The following ST6GALNAC5 variants were observed in gnomAD, a reference collection of about 807,000 sequenced individuals.
ST6GALNAC5 encodes ST6 N-acetylgalactosaminide alpha-2,6-sialyltransferase 5.
Under a neutral mutation model 33.6 loss-of-function variants are expected in ST6GALNAC5, and 27 were observed. The ratio of observed to expected loss-of-function variants is 0.80; its 90% CI spans 0.59 to 1.11. ST6GALNAC5 has a LOEUF of 1.11. Ranked by LOEUF, ST6GALNAC5 falls within the 50% of genes least tolerant of loss-of-function variation. The probability of loss-of-function intolerance (pLI) is 0.00; values close to 1 mark genes in which losing one functional copy is unlikely to be tolerated. For synonymous variants in ST6GALNAC5, 194 were observed against 171.2 expected, an observed-to-expected ratio of 1.13 and a Z score of -1.04; for missense variants, 428 against 454.0, an observed-to-expected ratio of 0.94 and a Z score of 0.52.
chr1:77,029,002 G>T lies in ST6GALNAC5; in HGVS notation c.262-15202G>T, dbSNP rs141332497. Reference sequence around the variant, plus strand: ...GGAAAGGCAAGGACAGGTTACATTTGGATACGTGGGTGGTGGTCCAGTGTG... The same window carrying T: ...GGAAAGGCAAGGACAGGTTACATTTTGATACGTGGGTGGTGGTCCAGTGTG... On this transcript the variant is annotated intron_variant, in intron 2 of 4. Transcript: ENST00000477717. Among the ~76,000 whole-genome samples the T allele has an allele frequency of 5.1e-3, 769 of 152,238 alleles. 10 individuals are homozygous for T. The highest frequency in any genetic ancestry group is 0.017 in the African/African-American group (709 of 41,556).
intron 2 of ST6GALNAC5, among the ~76,000 whole-genome samples, chr1:76,895,005 T>TG (rs1205709639): frequency 3.3e-5 from 5 of 151,092 alleles, no homozygotes; most frequent in Non-Finnish European, 7.4e-5. Flanking sequence ...GCGGGCAGAG[T>TG]GGGGGTCACA....
chr1:76,954,062 T>C (rs774230606), intron 2 of ST6GALNAC5, among the ~76,000 whole-genome samples: 11 of 152,098 alleles, frequency 7.2e-5, no homozygotes, highest in East Asian at 1.9e-4. Flanking sequence ...TTAAACTATA[T>C]TGTATGTTAT....
Position 77,044,335 on chromosome 1 carries a change from T to C in ST6GALNAC5, c.393T>C (p.Tyr131=), listed in dbSNP as rs1428468547. Reference sequence around the variant, plus strand: ...TGAATGACGCCCCCACACGCGGCTATGGGCGTGACGTGGGCAATCGCACCA... The same window carrying C: ...TGAATGACGCCCCCACACGCGGCTACGGGCGTGACGTGGGCAATCGCACCA... ...IRMNDAPTRG[Y]GRDVGNRTSL... Residue 131 remains tyrosine (Y), a synonymous_variant, in exon 3 of 5, where the codon TAT becomes TAC. Coordinates refer to ENST00000477717, the MANE Select transcript of ST6GALNAC5 (RefSeq NM_030965.3). 1.2e-6 allele frequency: 2 copies of C among 1,613,856 alleles called. No individual in the cohort carries two copies. Among genetic ancestry groups the C allele is most frequent in the East Asian group, 2.2e-5 (1 of 44,864 alleles).
chr1:77,031,668 A>C (rs1651461107), intron 2 of ST6GALNAC5, among the ~76,000 whole-genome samples: 1 of 152,250 alleles, frequency 6.6e-6, no homozygotes, highest in South Asian at 2.1e-4. Context: ...TCTATACTCA[A>C]GCATGTAAAA....
At chr1:76,937,020 T>C (rs1647214404) in intron 2 of ST6GALNAC5, among the ~76,000 whole-genome samples, 1 of 143,956 alleles carries the variant, frequency 6.9e-6, no homozygotes, top group Non-Finnish European at 1.5e-5. Flanking sequence ...ATAAGAGACA[T>C]ATTTTGGATA....
chr1:76,983,617 A>ACC (rs1649353131), intron 2 of ST6GALNAC5, among the ~76,000 whole-genome samples: 2 of 152,000 alleles, frequency 1.3e-5, no homozygotes, highest in Non-Finnish European at 2.9e-5. Context: ...AGACAAGTTA[A>ACC]CAAGGATATC....
At chr1:76,979,081 A>G (rs1008369840) in intron 2 of ST6GALNAC5, among the ~76,000 whole-genome samples, 16 of 152,170 alleles carry the variant, frequency 1.1e-4, no homozygotes, top group African/African-American at 9.6e-5. Flanking sequence ...AAAGATCCCT[A>G]TAGTAAAAAC....
chr1:76,933,208 T>C (rs1352500624), intron 2 of ST6GALNAC5, among the ~76,000 whole-genome samples: 1 of 152,064 alleles, frequency 6.6e-6, no homozygotes, highest in Non-Finnish European at 1.5e-5. Flanking sequence ...CTAGATGATC[T>C]GTGTATGGGT....
intron 2 of ST6GALNAC5, among the ~76,000 whole-genome samples, chr1:77,004,491 C>T (rs1436001365): frequency 3.5e-5 from 5 of 143,398 alleles, no homozygotes; most frequent in Admixed American, 7.0e-5. Flanking sequence ...TCTCTCAGCT[C>T]GTCAAAGTCA....
intron 2 of ST6GALNAC5, among the ~76,000 whole-genome samples, chr1:77,042,930 T>A (rs972582495): frequency 6.6e-6 from 1 of 152,142 alleles, no homozygotes; most frequent in African/African-American, 2.4e-5. Context: ...CCCATCCTGC[T>A]ACATCCCAGA....
At chr1:77,032,100 A>AGTATTATT (rs1215581462) in intron 2 of ST6GALNAC5, among the ~76,000 whole-genome samples, 1 of 152,196 alleles carries the variant, frequency 6.6e-6, no homozygotes, top group East Asian at 1.9e-4. Flanking sequence ...CTGCGAGGTC[A>AGTATTATT]GTATTATTGC....
At chr1:77,002,166 G>C (rs183489162) in intron 2 of ST6GALNAC5, among the ~76,000 whole-genome samples, 1 of 152,282 alleles carries the variant, frequency 6.6e-6, no homozygotes, top group Non-Finnish European at 1.5e-5. Context: ...CACAATTTCA[G>C]TTCCTGTTAT....
At position 76,960,195 on chromosome 1, in the gene ST6GALNAC5, G is replaced by C. The variant is rs954064875; in HGVS notation, c.262-84009G>C. Among the ~76,000 whole-genome samples, 26 of 152,266 alleles carry C rather than the reference G, an allele frequency of 1.7e-4. No individual in the cohort carries two copies. The East Asian group carries it at 4.8e-3, about 28-fold the overall frequency. ...TTTCCCTAAGTGTCAGTCGGTCTGA[G>C]AAATAAAGGGACAGAGTACAAAAGA... On this transcript the variant is annotated intron_variant, in intron 2 of 4. Coordinates refer to ENST00000477717, the MANE Select transcript of ST6GALNAC5 (RefSeq NM_030965.3).
rs1653534545 is a variant in ST6GALNAC5 at position 76,872,533 on chromosome 1, A to G, written c.261+3791A>G. On this transcript the variant is annotated intron_variant, in intron 2 of 4. Transcript: ENST00000477717. ...GCTTAGTGGTAATAGTACTATTACT[A>G]TTAACTGGTAACTATCTGGTTGGAG... Among the ~76,000 whole-genome samples, 6 of 152,284 alleles carry G rather than the reference A, an allele frequency of 3.9e-5. No individual in the cohort carries two copies. The South Asian group carries it at 1.2e-3, about 32-fold the overall frequency.
intron 2 of ST6GALNAC5, among the ~76,000 whole-genome samples, chr1:76,877,017 T>C (rs531180545): frequency 5.9e-5 from 9 of 152,172 alleles, no homozygotes; most frequent in Non-Finnish European, 1.2e-4. Context: ...TTCCATTTGA[T>C]GATGGGATGT....
chr1:77,024,791 C>T (rs1651173569), intron 2 of ST6GALNAC5, among the ~76,000 whole-genome samples: 4 of 152,222 alleles, frequency 2.6e-5, no homozygotes. Flanking sequence ...CAGTAGTCCA[C>T]AGTCCTGCTC....
chr1:77,052,811 C>T (rs115013416), intron 4 of ST6GALNAC5, among the ~76,000 whole-genome samples: 4,178 of 148,446 alleles, frequency 0.028, 77 homozygotes, highest in African/African-American at 0.042. Context: ...CCCAGCTACT[C>T]GGGTGGCTGA....
chr1:76,875,080 A>G (rs115095123), intron 2 of ST6GALNAC5, among the ~76,000 whole-genome samples: 5,908 of 152,284 alleles, frequency 0.039, 195 homozygotes, highest in African/African-American at 0.087. Context: ...TCTTAGTACA[A>G]GTGTATACAT....
At position 76,960,723 on chromosome 1, in the gene ST6GALNAC5, A is replaced by G. The variant is rs532884073; in HGVS notation, c.262-83481A>G. Among the ~76,000 whole-genome samples the G allele has an allele frequency of 1.6e-4, 25 of 152,314 alleles. No homozygotes were observed. The East Asian group carries it at 4.8e-3, about 29-fold the overall frequency. ...TGTTCCTTGCTGAGAAAAAGAATTC[A>G]ACGATATTTCTCCCATTTGCTTTTG... is the stretch of plus-strand genomic sequence containing the variant. On this transcript the variant is annotated intron_variant, in intron 2 of 4. Transcript: ENST00000477717.
Sources: allele counts gnomAD v4.1 joint callset (sites outside exome capture counted in the v4.1 genomes callset), GRCh38; gene constraint gnomAD v4.1.1; transcripts MANE v1.5; gene names NCBI Gene and HGNC (gene_info 2026-07-23, HGNC 2026-07-21).